The following ZNF140 variants were observed in gnomAD, a reference collection of about 807,000 sequenced individuals.
ZNF140 encodes zinc finger protein 140 (clone pHZ-39).
In ZNF140, 13 loss-of-function variants were observed where a neutral mutation model predicts 12.9. The observed-to-expected ratio is 1.01, with a 90% CI of 0.66 to 1.60. The LOEUF (loss-of-function observed/expected upper bound fraction) is 1.60, where lower values mean the gene tolerates loss of function less well. ZNF140 is among the 40% of genes most tolerant of loss of function. The pLI is 0.00. For missense variants in ZNF140, 531 were observed against 548.8 expected (o/e 0.97, Z 0.32); for synonymous variants, 214 against 186.7 (o/e 1.15, Z -1.19).
At chr12:133,090,856 A>G (rs1954842848) in intron 4 of ZNF140, among the ~76,000 whole-genome samples, 1 of 130,176 alleles carries the variant, frequency 7.7e-6, no homozygotes, top group African/African-American at 2.8e-5. Context: ...CTAGATGTGC[A>G]TGTAATCCAG....
At chr12:133,093,433 G>T in intron 4 of ZNF140, 2 of 699,518 alleles carry the variant, frequency 2.9e-6, no homozygotes, top group Non-Finnish European at 2.6e-6. Flanking sequence ...TCAGCTAACT[G>T]TGTCAGCTTC....
rs1257025094 is a variant in ZNF140, at chr12:133,081,352, T to C, written c.9+23T>C. Reference sequence around the variant, plus strand: ...CAGGTAAGCTAATGATTGATAAATATATATATATATATATATATAAATTTT... The same window carrying C: ...CAGGTAAGCTAATGATTGATAAATACATATATATATATATATATAAATTTT... On this transcript the variant is annotated intron_variant, in intron 2 of 4. Transcript: ENST00000355557. 2.0e-5 allele frequency: 5 copies of C among 246,212 alleles called. No homozygotes were observed. In the Admixed American group the frequency reaches 2.8e-4, roughly 14 times the overall value. 15.3% of individuals were successfully genotyped at this position (246,212 alleles called of 1,614,324 possible).
intron 4 of ZNF140, among the ~76,000 whole-genome samples, chr12:133,090,598 A>G (rs1954822471): frequency 6.6e-6 from 1 of 151,892 alleles, no homozygotes; most frequent in Non-Finnish European, 1.5e-5. Context: ...CAAGAGACTG[A>G]GAAAAGAAAG....
intron 4 of ZNF140, among the ~76,000 whole-genome samples, chr12:133,099,022 C>T (rs1037999589): frequency 4.6e-5 from 7 of 151,996 alleles, no homozygotes; most frequent in East Asian, 1.9e-4. Context: ...ACTACAGGCG[C>T]GAGCCACCAC....
chr12:133,081,731 G>C, intron 2 of ZNF140: 1 of 341,482 alleles, frequency 2.9e-6, no homozygotes, highest in South Asian at 2.1e-5. Context: ...CTGTTACATC[G>C]CCTCCTCTTT....
chr12:133,093,354 C>A, intron 4 of ZNF140: 1 of 677,948 alleles, frequency 1.5e-6, no homozygotes, highest in Non-Finnish European at 2.7e-6. Context: ...ACCGTTGATA[C>A]AATCATTAAA....
Position 133,096,778 on chromosome 12 carries a change from T to C in ZNF140, c.233-8732T>C, listed in dbSNP as rs1050572334. On this transcript the variant is annotated intron_variant, in intron 4 of 4. Transcript: ENST00000355557. ...CTTTGAAATTTGTTAAGATGTGTGT[T>C]ATGACTAAGAATTGCGTCTATCTTC... Among the ~76,000 whole-genome samples, 415 of 152,376 alleles carry C rather than the reference T, an allele frequency of 2.7e-3. 3 individuals carry two copies. Among genetic ancestry groups the C allele is most frequent in the African/African-American group, 9.4e-3 (392 of 41,582 alleles).
Position 133,105,928 on chromosome 12 carries a change from T to C in ZNF140, c.651T>C (p.His217=), listed in dbSNP as rs779503564. The C allele has an allele frequency of 4.3e-6, 7 of 1,614,038 alleles. No individual in the cohort carries two copies. In the Admixed American group the frequency reaches 1.2e-4, roughly 27 times the overall value. ...TGATACATACTGGAAAGAAACCCCA[T>C]GAGTGTAAGGACTGTAATAAAACAT... ...HQMIHTGKKP[H]ECKDCNKTFS... The change falls in exon 5 of 5, where the codon CAT becomes CAC. Residue 217 remains histidine, a synonymous_variant. Transcript: ENST00000355557.
In ZNF140 at chr12:133,083,123, T is replaced by A. The variant is rs1954559998; in HGVS notation, c.30T>A (p.Asp10Glu). The change falls in exon 3 of 5, where the codon GAT becomes GAA. Residue 10 changes from aspartate to glutamate, a missense_variant. By Grantham distance (45) the Asp-to-Glu change is conservative. Transcript: ENST00000355557. ...TTCAGGGGTCAGTGACATTCAGAGA[T>A]GTGGCCATAGACTTCTCCCAGGAGG... MSQGSVTFRDVAIDFSQEEW... is the reference protein window; with the variant it reads MSQGSVTFREVAIDFSQEEW... 1.2e-6 allele frequency: 2 copies of A among 1,614,214 alleles called. No homozygotes were observed. The highest frequency in any genetic ancestry group is 4.5e-5 in the East Asian group (2 of 44,882).
intron 1 of ZNF140, 68 bp from the exon 2 acceptor site, chr12:133,081,205 G>A: frequency 2.8e-6 from 2 of 710,852 alleles, no homozygotes; most frequent in Non-Finnish European, 4.7e-6. Context: ...TCCCCAGTGC[G>A]GGAATCTAGT....
In ZNF140 at chr12:133,081,253, C is replaced by A; in HGVS notation, c.-48-20C>A. 1.4e-6 allele frequency: 2 copies of A among 1,444,774 alleles called. No individual in the cohort carries two copies. Among genetic ancestry groups the A allele is most frequent in the Non-Finnish European group, 1.9e-6 (2 of 1,054,782 alleles). 89.5% of individuals were successfully genotyped at this position (1,444,774 alleles called of 1,614,324 possible). The stretch of plus-strand genomic sequence containing the variant: ...GCCTAGCTGGCCTGTTCGCTCAGGG[C>A]TCCTTTCTCTCTCTGCCAGGTCTGC... On this transcript the variant is annotated intron_variant, in intron 1 of 4. Coordinates refer to ENST00000355557, the MANE Select transcript of ZNF140 (RefSeq NM_003440.4).
At chr12:133,104,437 T>C (rs894864848) in intron 4 of ZNF140, among the ~76,000 whole-genome samples, 31 of 151,722 alleles carry the variant, frequency 2.0e-4, no homozygotes, top group African/African-American at 2.4e-4. Flanking sequence ...CCGCAACCTC[T>C]GCCTCCCAGG....
At chr12:133,083,025 T>G in intron 2 of ZNF140, 78 bp from the exon 3 acceptor site, 143 of 1,605,538 alleles carry the variant, frequency 8.9e-5, no homozygotes, top group Non-Finnish European at 1.1e-4. Context: ...ACCTCCACAG[T>G]GAGACTCATT....
chr12:133,086,388 T>C (rs2137494858), intron 4 of ZNF140, among the ~76,000 whole-genome samples: 1 of 152,350 alleles, frequency 6.6e-6, no homozygotes, highest in African/African-American at 2.4e-5. Flanking sequence ...TAGCTTGTGG[T>C]TTAAACTTGC....
At chr12:133,087,154 C>T (rs1371264279) in intron 4 of ZNF140, among the ~76,000 whole-genome samples, 6 of 150,708 alleles carry the variant, frequency 4.0e-5, no homozygotes, top group Non-Finnish European at 7.4e-5. Flanking sequence ...TGTAGGCATC[C>T]AGGGAGCTAA....
intron 4 of ZNF140, chr12:133,093,642 C>A (rs1001111804): frequency 1.7e-6 from 1 of 593,778 alleles, no homozygotes; most frequent in South Asian, 2.0e-5. Context: ...CTCATGTGGG[C>A]TGTTCTTTTT....
In ZNF140 at chr12:133,103,584, C is replaced by G. The variant is rs997648753; in HGVS notation, c.233-1926C>G. Among the ~76,000 whole-genome samples the G allele has an allele frequency of 1.9e-4, 29 of 151,830 alleles. 1 individual carries two copies. Among genetic ancestry groups the G allele is most frequent in the Non-Finnish European group, 2.5e-4 (17 of 67,918 alleles). Reference sequence around the variant, plus strand: ...CACCACACCCGGCCCCAACAGCTTTCTATTTTTTTTTAATGTCCAGGTTCA... The same window carrying G: ...CACCACACCCGGCCCCAACAGCTTTGTATTTTTTTTTAATGTCCAGGTTCA... On this transcript the variant is annotated intron_variant, in intron 4 of 4. Transcript: ENST00000355557.
In ZNF140 at chr12:133,106,111, T is replaced by C; in HGVS notation, c.834T>C (p.Cys278=). Residue 278 remains cysteine (C), a synonymous_variant, in exon 5 of 5, where the codon TGT becomes TGC. Transcript: ENST00000355557. ...IGKKQYICRK[C]GKAFSSGSEL... is the part of the protein sequence containing the mutation. ...AGAAACAATATATATGTAGGAAATGTGGTAAAGCATTTAGCAGTGGCTCAG... is the reference window on the plus strand; with the variant it reads ...AGAAACAATATATATGTAGGAAATGCGGTAAAGCATTTAGCAGTGGCTCAG... 1.2e-6 allele frequency: 2 copies of C among 1,614,156 alleles called. No homozygotes were observed. The highest frequency in any genetic ancestry group is 1.7e-6 in the Non-Finnish European group (2 of 1,180,028).
intron 4 of ZNF140, among the ~76,000 whole-genome samples, chr12:133,095,490 C>T (rs1955040875): frequency 6.6e-6 from 1 of 151,068 alleles, no homozygotes; most frequent in Admixed American, 6.6e-5. Context: ...TGGCCTGCCC[C>T]TCCACACCTG....
Sources: gnomAD v4.1 joint callset for allele counts (sites outside exome capture counted in the v4.1 genomes callset) on GRCh38, gnomAD v4.1.1 for gene constraint, MANE v1.5 for transcripts, NCBI Gene and HGNC (gene_info 2026-07-23, HGNC 2026-07-21) for gene names.